Variants in KIF2A observed in about 807,000 individuals in gnomAD.
KIF2A encodes the protein kinesin-like protein KIF2A.
KIF2A carries 22 observed loss-of-function variants against 100.2 expected under a neutral mutation model. The observed-to-expected ratio is 0.22, with a 90% CI of 0.16 to 0.31. The LOEUF (loss-of-function observed/expected upper bound fraction) is 0.31, where lower values mean the gene tolerates loss of function less well. Among genes scored for constraint, KIF2A ranks in the 10% least tolerant of loss-of-function variants. The pLI is 1.00. For missense variants in KIF2A, 495 were observed against 898.7 expected (o/e 0.55, Z 5.74); for synonymous variants, 268 against 285.9 (o/e 0.94, Z 0.63).
chr5:62,373,290 T>C (rs1741396647), intron 17 of KIF2A, among the ~76,000 whole-genome samples: 1 of 152,070 alleles, frequency 6.6e-6, no homozygotes, highest in Non-Finnish European at 1.5e-5. Flanking sequence ...ATTGGTCTAA[T>C]TGTTATTGTT....
chr5:62,350,231 A>G, intron 4 of KIF2A, 111 bp downstream of exon 4: 1 of 653,440 alleles, frequency 1.5e-6, no homozygotes. Flanking sequence ...TTTAAATTTT[A>G]CCTGGCTAAT....
At chr5:62,331,496 G>A (rs1414939535) in intron 1 of KIF2A, among the ~76,000 whole-genome samples, 2 of 152,146 alleles carry the variant, frequency 1.3e-5, no homozygotes, top group Admixed American at 1.3e-4. Flanking sequence ...GCTGAGGCAG[G>A]ATAATTGTTT....
At chr5:62,308,794 A>G (rs1269430353) in intron 1 of KIF2A, among the ~76,000 whole-genome samples, 2 of 152,204 alleles carry the variant, frequency 1.3e-5, no homozygotes, top group African/African-American at 2.4e-5. Context: ...GGGGAGATAT[A>G]GGTCAAGGAT....
intron 1 of KIF2A, among the ~76,000 whole-genome samples, chr5:62,345,471 G>A (rs146489653): frequency 0.016 from 2,335 of 144,716 alleles, 59 homozygotes; most frequent in African/African-American, 0.056. Flanking sequence ...AATCGCTTGA[G>A]ACTCTGTCTC....
intron 1 of KIF2A, among the ~76,000 whole-genome samples, chr5:62,316,326 T>G (rs577278158): frequency 6.6e-6 from 1 of 152,342 alleles, no homozygotes; most frequent in East Asian, 1.9e-4. Flanking sequence ...ACGTCATCTC[T>G]TTAAGGGATG....
rs1001557023 is a variant in KIF2A at position 62,387,456 on chromosome 5, C to T, written c.*1887C>T. ...ATTATTTGCATTGGATGGGTACTGT[C>T]TTTGGAAAGTCTCCTTATAGACAAA... is the stretch of plus-strand genomic sequence containing the variant. On this transcript the variant is annotated 3_prime_UTR_variant, in exon 21 of 21. Transcript: ENST00000407818. 6 of 152,164 alleles carry T rather than the reference C, an allele frequency of 3.9e-5. No individual in the cohort carries two copies. Among genetic ancestry groups the T allele is most frequent in the African/African-American group, 1.4e-4 (6 of 41,432 alleles). 9.4% of individuals were successfully genotyped at this position (152,164 alleles called of 1,614,324 possible).
At position 62,357,208 on chromosome 5, in the gene KIF2A, C is replaced by T. The variant is rs547580748; in HGVS notation, c.655-483C>T. Reference sequence around the variant, plus strand: ...AAGTGATTCTCCCACATCAGCCTCCCGAGTAGCTGGGACTACAGGCATGCA... The same window carrying T: ...AAGTGATTCTCCCACATCAGCCTCCTGAGTAGCTGGGACTACAGGCATGCA... On this transcript the variant is annotated intron_variant, in intron 7 of 20. Transcript: ENST00000407818. 6.6e-4 allele frequency among the ~76,000 whole-genome samples: 97 copies of T among 147,260 alleles called. 1 individual carries two copies. Among genetic ancestry groups the T allele is most frequent in the African/African-American group, 2.4e-3 (95 of 39,854 alleles).
At chr5:62,376,791 A>G (rs994307290) in intron 18 of KIF2A, among the ~76,000 whole-genome samples, 13 of 152,040 alleles carry the variant, frequency 8.6e-5, no homozygotes, top group Non-Finnish European at 1.8e-4. Context: ...GCCTGGAATC[A>G]GAGAAGCTCT....
chr5:62,369,124 A>T (rs779928921), intron 16 of KIF2A, among the ~76,000 whole-genome samples: 15 of 152,348 alleles, frequency 9.8e-5, no homozygotes, highest in Non-Finnish European at 1.9e-4. Context: ...CTGTTCCTCT[A>T]GTTCACTTAG....
At chr5:62,355,072 A>T (rs1438250136) in intron 6 of KIF2A, 87 bp from the exon 7 acceptor site, 3 of 659,046 alleles carry the variant, frequency 4.6e-6, no homozygotes, top group Non-Finnish European at 7.8e-6. Context: ...CAAATGGCAC[A>T]ATTTAATTTT....
At chr5:62,360,921 A>G (rs1748375597) in intron 9 of KIF2A, among the ~76,000 whole-genome samples, 1 of 152,110 alleles carries the variant, frequency 6.6e-6, no homozygotes, top group Non-Finnish European at 1.5e-5. Context: ...AATTGAGATT[A>G]CCACTCTTGT....
chr5:62,320,289 T>A (rs1164201305), intron 1 of KIF2A, among the ~76,000 whole-genome samples: 1 of 152,196 alleles, frequency 6.6e-6, no homozygotes, highest in Non-Finnish European at 1.5e-5. Flanking sequence ...AGCTGCTGCA[T>A]AGCCAATACT....
chr5:62,368,407 G>T (rs769464186), intron 16 of KIF2A, among the ~76,000 whole-genome samples: 4 of 151,906 alleles, frequency 2.6e-5, no homozygotes, highest in Non-Finnish European at 4.4e-5. Context: ...TTTCTTAATG[G>T]TAGTAAACAC....
intron 3 of KIF2A, among the ~76,000 whole-genome samples, chr5:62,349,472 C>T (rs1390527227): frequency 6.6e-6 from 1 of 151,974 alleles, no homozygotes; most frequent in African/African-American, 2.4e-5. Context: ...GTTAAGACAG[C>T]TACATTATTT....
rs756090362 is a variant in KIF2A, at chr5:62,381,260, C to CTTTTTCCATTTTT, written c.2149+19_2149+20insTTTTTTCCATTTT. On this transcript the variant is annotated splice_region_variant and intron_variant, in intron 20 of 20. Transcript: ENST00000407818. ...ATTTTAACTGAACTGCGGGGTAATTCTTTTTCCATTTTAATGTTTGAAATC... is the reference window on the plus strand; with the variant it reads ...ATTTTAACTGAACTGCGGGGTAATTCTTTTTCCATTTTTTTTTTCCATTTTAATGTTTGAAATC... The CTTTTTCCATTTTT allele has an allele frequency of 1.9e-6, 3 of 1,610,382 alleles. No homozygotes were observed. Among genetic ancestry groups the CTTTTTCCATTTTT allele is most frequent in the African/African-American group, 2.7e-5 (2 of 74,788 alleles).
At chr5:62,308,229 T>C (rs1215298136) in intron 1 of KIF2A, 1 of 656,976 alleles carries the variant, frequency 1.5e-6, no homozygotes, top group Non-Finnish European at 2.3e-6. Context: ...AGATACCTTC[T>C]TTACTTGGGT....
At position 62,388,836 on chromosome 5, in the gene KIF2A, G is replaced by T. The variant is rs1459846610; in HGVS notation, c.*3267G>T. On this transcript the variant is annotated 3_prime_UTR_variant, in exon 21 of 21. Transcript: ENST00000407818. ...TATATATTAAAAACTTTGATACTTA[G>T]AACTTTCCAACTTTAAAATTCAGAA... 39 of 642,788 alleles carry T rather than the reference G, an allele frequency of 6.1e-5. No homozygotes were observed. The highest frequency in any genetic ancestry group is 2.7e-6 in the Non-Finnish European group (1 of 365,552). 39.8% of individuals were successfully genotyped at this position (642,788 alleles called of 1,614,324 possible). A position where few individuals can be genotyped will look rare whatever the true frequency, so the allele number is the denominator to read the frequency against.
chr5:62,320,713 T>A (rs1746053871), intron 1 of KIF2A, among the ~76,000 whole-genome samples: 1 of 152,200 alleles, frequency 6.6e-6, no homozygotes, highest in African/African-American at 2.4e-5. Flanking sequence ...TCCTATATTA[T>A]GTCTGATTAT....
At chr5:62,357,043 C>T (rs2111938603) in intron 7 of KIF2A, among the ~76,000 whole-genome samples, 1 of 151,650 alleles carries the variant, frequency 6.6e-6, no homozygotes, top group East Asian at 1.9e-4. Flanking sequence ...ACCTTAGCCT[C>T]CCAAAGTGCT....
Sources: allele counts gnomAD v4.1 joint callset (sites outside exome capture counted in the v4.1 genomes callset), GRCh38; gene constraint gnomAD v4.1.1; transcripts MANE v1.5; gene names NCBI Gene and HGNC (gene_info 2026-07-23, HGNC 2026-07-21).